PREP: variants seen among roughly 807,000 people sequenced by gnomAD.
PREP encodes the protein prolyl endopeptidase, also known as dJ355L5.1 (prolyl endopeptidase).
PREP carries 29 observed loss-of-function variants against 87.6 expected under a neutral mutation model. The ratio of observed to expected loss-of-function variants is 0.33; its 90% CI spans 0.25 to 0.45. The LOEUF (loss-of-function observed/expected upper bound fraction) is 0.45. Among genes scored for constraint, PREP ranks in the 20% least tolerant of loss-of-function variants. The pLI is 1.00. For synonymous variants in PREP, 337 were observed against 328.6 expected, an observed-to-expected ratio of 1.03 and a Z score of -0.28; for missense variants, 695 against 886.5, an observed-to-expected ratio of 0.78 and a Z score of 2.74.
intron 2 of PREP, among the ~76,000 whole-genome samples, chr6:105,381,144 A>G (rs1772825868): frequency 1.3e-5 from 2 of 152,240 alleles, no homozygotes; most frequent in African/African-American, 4.8e-5. Flanking sequence ...AATTACTTTA[A>G]ATAGACCATT....
At chr6:105,373,059 T>C (rs1772598593) in intron 5 of PREP, among the ~76,000 whole-genome samples, 3 of 152,208 alleles carry the variant, frequency 2.0e-5, no homozygotes, top group East Asian at 1.9e-4. Flanking sequence ...GGCCCAGAAA[T>C]GTAAAAGAGC....
chr6:105,287,547 T>A (rs1180294042), intron 11 of PREP, among the ~76,000 whole-genome samples: 1 of 152,240 alleles, frequency 6.6e-6, no homozygotes, highest in Non-Finnish European at 1.5e-5. Context: ...AGGCATCATA[T>A]TTCATACTTC....
At chr6:105,345,018 T>C (rs1326699230) in intron 7 of PREP, among the ~76,000 whole-genome samples, 1 of 152,096 alleles carries the variant, frequency 6.6e-6, no homozygotes. Flanking sequence ...ATTGGAAAAA[T>C]AGTCCAAAGT....
rs141275940 is a variant in PREP, at chr6:105,381,745, C to T, written c.121-4226G>A. ...CTCATGTGCCTTGACTATTAGAAAG[C>T]TTAAAAGCAAAGCAAAGCTTCAGTT... is the stretch of plus-strand genomic sequence containing the variant. On this transcript the variant is annotated intron_variant, in intron 2 of 14. Transcript: ENST00000652536. Among the ~76,000 whole-genome samples, 549 of 152,208 alleles carry T rather than the reference C, an allele frequency of 3.6e-3. 8 individuals are homozygous for T. The highest frequency in any genetic ancestry group is 0.011 in the South Asian group (51 of 4,822).
chr6:105,293,201 G>A (rs1176939679), intron 10 of PREP, among the ~76,000 whole-genome samples: 6 of 152,152 alleles, frequency 3.9e-5, no homozygotes, highest in African/African-American at 1.4e-4. Context: ...TCCTCACTGA[G>A]CTTAACCCTT....
chr6:105,348,145 T>C (rs1192529596), intron 7 of PREP, among the ~76,000 whole-genome samples: 1 of 152,142 alleles, frequency 6.6e-6, no homozygotes, highest in African/African-American at 2.4e-5. Flanking sequence ...TCACTTTTGA[T>C]GTTAAGCAAC....
At chr6:105,344,108 A>C (rs566283147) in intron 7 of PREP, among the ~76,000 whole-genome samples, 25 of 152,338 alleles carry the variant, frequency 1.6e-4, no homozygotes, top group African/African-American at 5.0e-4. Context: ...ATAGCAAAGA[A>C]TTGGAACCAA....
At chr6:105,395,783 AAG>A (rs1170332835) in intron 2 of PREP, among the ~76,000 whole-genome samples, 1 of 152,236 alleles carries the variant, frequency 6.6e-6, no homozygotes, top group African/African-American at 2.4e-5. Flanking sequence ...ATCACCATCA[AAG>A]GCTGTAGAAA....
rs115524725 is a variant in PREP at position 105,314,951 on chromosome 6, C to T, written c.1317+8714G>A. On this transcript the variant is annotated intron_variant, in intron 10 of 14. Transcript: ENST00000652536. ...ATTGTGTTAGCAGGTATAAACACAA[C>T]ATTCATCTCTTTGTACAGCTCCATC... Among the ~76,000 whole-genome samples, 810 of 152,284 alleles carry T rather than the reference C, an allele frequency of 5.3e-3. 9 individuals are homozygous for T. Among genetic ancestry groups the T allele is most frequent in the South Asian group, 0.041 (197 of 4,818 alleles).
intron 2 of PREP, among the ~76,000 whole-genome samples, chr6:105,385,830 C>A (rs191697018): frequency 6.6e-6 from 1 of 152,114 alleles, no homozygotes; most frequent in South Asian, 2.1e-4. Flanking sequence ...AAAAACACGA[C>A]CAATTGTCAG....
intron 7 of PREP, among the ~76,000 whole-genome samples, chr6:105,342,810 T>A (rs1771693683): frequency 6.6e-6 from 1 of 152,266 alleles, no homozygotes; most frequent in East Asian, 1.9e-4. Context: ...TACCTAGGAA[T>A]CCAACTTACA....
At chr6:105,395,940 G>A (rs1773276542) in intron 2 of PREP, among the ~76,000 whole-genome samples, 1 of 152,178 alleles carries the variant, frequency 6.6e-6, no homozygotes, top group Non-Finnish European at 1.5e-5. Flanking sequence ...TCCACTCCCA[G>A]ACCCAATCCC....
chr6:105,385,120 G>T (rs1477080758), intron 2 of PREP, among the ~76,000 whole-genome samples: 1 of 152,052 alleles, frequency 6.6e-6, no homozygotes, highest in Non-Finnish European at 1.5e-5. Flanking sequence ...TTGCTCCAGG[G>T]CTGGCTGGGG....
At chr6:105,316,469 T>C (rs1221782767) in intron 10 of PREP, among the ~76,000 whole-genome samples, 3 of 152,174 alleles carry the variant, frequency 2.0e-5, no homozygotes, top group Non-Finnish European at 2.9e-5. Flanking sequence ...GCTTGAAACA[T>C]TGTGAGAATT....
chr6:105,349,245 A>C (rs1377880706), intron 7 of PREP, among the ~76,000 whole-genome samples: 1 of 152,202 alleles, frequency 6.6e-6, no homozygotes, highest in Non-Finnish European at 1.5e-5. Context: ...AAAATACTGC[A>C]AATGTAAATG....
chr6:105,302,539 T>C lies in PREP; in HGVS notation c.1318-13645A>G, dbSNP rs1156596674. 6 of 398,696 alleles carry C rather than the reference T, an allele frequency of 1.5e-5. No individual in the cohort carries two copies. In the Admixed American group the frequency reaches 1.9e-4, roughly 13 times the overall value. 24.7% of individuals were successfully genotyped at this position (398,696 alleles called of 1,614,324 possible). On this transcript the variant is annotated intron_variant, in intron 10 of 14. Coordinates refer to ENST00000652536, the MANE Select transcript of PREP (RefSeq NM_002726.5). The stretch of plus-strand genomic sequence containing the variant: ...GTCTTCAGGTTCTCCTCGTGCTTGC[T>C]GGGCCAGTGGCGCAGGCGCATGTTT...
chr6:105,322,674 G>A, intron 10 of PREP: 3 of 995,576 alleles, frequency 3.0e-6, no homozygotes, highest in Non-Finnish European at 3.6e-6. Context: ...AAACAAATGG[G>A]CATGTGTTCT....
At chr6:105,312,635 C>T (rs145689152) in intron 10 of PREP, among the ~76,000 whole-genome samples, 25 of 152,340 alleles carry the variant, frequency 1.6e-4, no homozygotes, top group African/African-American at 5.8e-4. Flanking sequence ...CATGAGCACA[C>T]ATCCATGCTG....
chr6:105,345,451 T>A (rs1378936351), intron 7 of PREP, among the ~76,000 whole-genome samples: 7 of 152,236 alleles, frequency 4.6e-5, no homozygotes, highest in African/African-American at 1.2e-4. Flanking sequence ...AATTGTCTTA[T>A]GCTTTTCCTA....
Sources: gnomAD v4.1 joint callset for allele counts (sites outside exome capture counted in the v4.1 genomes callset) on GRCh38, gnomAD v4.1.1 for gene constraint, MANE v1.5 for transcripts, NCBI Gene and HGNC (gene_info 2026-07-23, HGNC 2026-07-21) for gene names.